Variants in CPA4 observed in about 807,000 individuals in gnomAD.
CPA4 encodes carboxypeptidase A3.
A neutral mutation model predicts 54.7 loss-of-function variants in CPA4; 49 were observed. That is an observed-to-expected ratio of 0.90 (90% CI 0.71 to 1.14). The LOEUF (loss-of-function observed/expected upper bound fraction) is 1.14. Among genes scored for constraint, CPA4 ranks in the 50% most tolerant of loss-of-function variants. CPA4 has a pLI of 0.00. For missense variants in CPA4, 487 were observed against 525.1 expected, an observed-to-expected ratio of 0.93 and a Z score of 0.71; for synonymous variants, 215 against 206.8, an observed-to-expected ratio of 1.04 and a Z score of -0.34.
At chr7:130,304,620 T>A in intron 5 of CPA4, 41 bp downstream of exon 5, 1 of 1,180,414 alleles carries the variant, frequency 8.5e-7, no homozygotes, top group East Asian at 2.3e-5. Flanking sequence ...TGGGTCCTCA[T>A]GCCCAGGACC....
At chr7:130,318,437 G>A (rs934661103) in intron 10 of CPA4, among the ~76,000 whole-genome samples, 3 of 152,108 alleles carry the variant, frequency 2.0e-5, no homozygotes, top group Non-Finnish European at 4.4e-5. Context: ...ATGGAGTTTC[G>A]TTTCGCTCTT....
rs565700342 is a variant in CPA4, at chr7:130,316,831, G to T, written c.1078+4709G>T. ...GCCTGTAATCCCAGCTACTTGGAAG[G>T]CTGAGTCAGGAGAATCACTTGAACC... On this transcript the variant is annotated intron_variant, in intron 10 of 10. Coordinates refer to ENST00000222482, the MANE Select transcript of CPA4 (RefSeq NM_016352.4). Among the ~76,000 whole-genome samples the T allele has an allele frequency of 1.9e-3, 288 of 150,962 alleles. 1 individual carries two copies. The South Asian group carries it at 0.029, about 15-fold the overall frequency.
chr7:130,297,193 A>T (rs1282965589), intron 1 of CPA4, among the ~76,000 whole-genome samples: 1 of 152,154 alleles, frequency 6.6e-6, no homozygotes, highest in Non-Finnish European at 1.5e-5. Context: ...GGCCTCAAGC[A>T]ATCCTCTCAC....
At chr7:130,316,027 C>T (rs984024924) in intron 10 of CPA4, among the ~76,000 whole-genome samples, 11 of 152,018 alleles carry the variant, frequency 7.2e-5, no homozygotes, top group Non-Finnish European at 1.3e-4. Flanking sequence ...TTGAATTGTG[C>T]CCCCGCCATA....
chr7:130,316,622 A>G (rs1793990515), intron 10 of CPA4, among the ~76,000 whole-genome samples: 1 of 152,168 alleles, frequency 6.6e-6, no homozygotes, highest in South Asian at 2.1e-4. Context: ...AGATCAGAGC[A>G]TGAGTGTTGG....
At chr7:130,309,435 A>C (rs1004466984) in intron 8 of CPA4, among the ~76,000 whole-genome samples, 19 of 152,102 alleles carry the variant, frequency 1.2e-4, no homozygotes, top group Admixed American at 7.9e-4. Context: ...TGAAAATTCC[A>C]CTCCAGTACC....
In CPA4 at chr7:130,297,924, C is replaced by T. The variant is rs193212158; in HGVS notation, c.69-822C>T. On this transcript the variant is annotated intron_variant, in intron 1 of 10. Coordinates refer to ENST00000222482, the MANE Select transcript of CPA4 (RefSeq NM_016352.4). ...CACACAGGACTTCGGGGGCCACTAC[C>T]CCTGCCGCCGCTGCAGAAGCTAAAT... Among the ~76,000 whole-genome samples, 1,017 of 152,296 alleles carry T rather than the reference C, an allele frequency of 6.7e-3. 41 individuals carry two copies. Among genetic ancestry groups the T allele is most frequent in the Admixed American group, 0.06 (925 of 15,300 alleles).
chr7:130,308,723 A>ATTTTTTTTTTTTTTTTT (rs1554395843), intron 8 of CPA4, among the ~76,000 whole-genome samples: 1 of 145,182 alleles, frequency 6.9e-6, no homozygotes, highest in African/African-American at 2.7e-5. Flanking sequence ...ACGCCCGGCT[A>ATTTTTTTTTTTTTTTTT]TTTTTTTTCA....
At position 130,293,176 on chromosome 7, in the gene CPA4, G is replaced by A. The variant is rs762702008; in HGVS notation, c.-5G>A. On this transcript the variant is annotated 5_prime_UTR_variant, in exon 1 of 11. Transcript: ENST00000222482. The stretch of plus-strand genomic sequence containing the variant: ...CAGCCACTGTATGACTGACTCCCCG[G>A]GGACATGAGGTGGATACTGTTCATT... The A allele has an allele frequency of 6.2e-7, 1 of 1,603,274 alleles. No homozygotes were observed. Among genetic ancestry groups the A allele is most frequent in the South Asian group, 1.1e-5 (1 of 90,836 alleles).
chr7:130,306,863 C>T lies in CPA4; in HGVS notation c.668C>T (p.Ala223Val), dbSNP rs753026340. The T allele has an allele frequency of 1.9e-6, 3 of 1,608,928 alleles. No homozygotes were observed. The East Asian group carries it at 6.7e-5, about 36-fold the overall frequency. The change falls in exon 7 of 11, where the codon GCC becomes GTC. Residue 223 changes from alanine (A) to valine (V), a missense_variant. By Grantham distance (64) the Ala-to-Val change is moderately conservative. Transcript: ENST00000222482. ...ATGGATATTTTCTTGTTGCCTGTGGCCAATCCTGATGGATATGTGTATACT... is the reference window on the plus strand; with the variant it reads ...ATGGATATTTTCTTGTTGCCTGTGGTCAATCCTGATGGATATGTGTATACT... ...EKMDIFLLPV[A>V]NPDGYVYTQT... is the part of the protein sequence containing the mutation.
intron 10 of CPA4, among the ~76,000 whole-genome samples, chr7:130,317,939 A>G (rs1794016270): frequency 6.6e-6 from 1 of 152,034 alleles, no homozygotes; most frequent in Non-Finnish European, 1.5e-5. Flanking sequence ...AAGATTCTCC[A>G]TCCACCCCCC....
At chr7:130,295,113 A>G (rs968426702) in intron 1 of CPA4, among the ~76,000 whole-genome samples, 6 of 152,252 alleles carry the variant, frequency 3.9e-5, no homozygotes, top group African/African-American at 1.4e-4. Context: ...AGCTGGTTAC[A>G]GCATCAACAG....
chr7:130,311,562 A>G (rs1340349189), intron 9 of CPA4, among the ~76,000 whole-genome samples: 1 of 145,086 alleles, frequency 6.9e-6, no homozygotes, highest in Non-Finnish European at 1.5e-5. Context: ...CACTCTACAC[A>G]GGGATCATCC....
At chr7:130,314,526 C>T (rs1413821126) in intron 10 of CPA4, among the ~76,000 whole-genome samples, 1 of 152,178 alleles carries the variant, frequency 6.6e-6, no homozygotes, top group African/African-American at 2.4e-5. Context: ...CTGAGGAAGA[C>T]AGCGATAAGC....
chr7:130,305,867 A>G lies in CPA4; in HGVS notation c.538A>G (p.Ile180Val). 6.2e-7 allele frequency: 1 copy of G among 1,614,168 alleles called. No homozygotes were observed. Among genetic ancestry groups the G allele is most frequent in the Non-Finnish European group, 8.5e-7 (1 of 1,180,020 alleles). The change falls in exon 6 of 11, where the codon ATC becomes GTC. Residue 180 changes from isoleucine to valine, a missense_variant. Transcript: ENST00000222482. ...GCCGGCCGTTTGGCTGAATGCAGGCATCCATTCCCGAGAGTGGATCTCCCA... is the reference window on the plus strand; with the variant it reads ...GCCGGCCGTTTGGCTGAATGCAGGCGTCCATTCCCGAGAGTGGATCTCCCA... ...RRPAVWLNAGIHSREWISQAT... is the reference protein window; with the variant it reads ...RRPAVWLNAGVHSREWISQAT...
chr7:130,311,311 A>T (rs1343918499), intron 9 of CPA4, among the ~76,000 whole-genome samples: 3 of 152,100 alleles, frequency 2.0e-5, no homozygotes, highest in African/African-American at 7.2e-5. Context: ...CAAGGGGGAG[A>T]GATCCTCACT....
chr7:130,311,895 G>A, intron 9 of CPA4, 143 bp from the exon 10 acceptor site: 1 of 647,762 alleles, frequency 1.5e-6, no homozygotes, highest in East Asian at 2.7e-5. Context: ...TTGGGCCTTG[G>A]CACTGGGCGA....
At chr7:130,294,420 A>C (rs1359641521) in intron 1 of CPA4, among the ~76,000 whole-genome samples, 1 of 152,188 alleles carries the variant, frequency 6.6e-6, no homozygotes, top group African/African-American at 2.4e-5. Flanking sequence ...TCTGTTGCCA[A>C]ATAGCTCAGA....
chr7:130,321,300 T>A (rs1389846901), intron 10 of CPA4, among the ~76,000 whole-genome samples: 1 of 152,208 alleles, frequency 6.6e-6, no homozygotes, highest in Non-Finnish European at 1.5e-5. Flanking sequence ...TTGCCCTTCA[T>A]AAGCCTTTTG....
Sources: gnomAD v4.1 joint callset for allele counts (sites outside exome capture counted in the v4.1 genomes callset) on GRCh38, gnomAD v4.1.1 for gene constraint, MANE v1.5 for transcripts, NCBI Gene and HGNC (gene_info 2026-07-23, HGNC 2026-07-21) for gene names.